The following PTPRK variants were observed in gnomAD, a reference collection of about 807,000 sequenced individuals.
The protein encoded by PTPRK is receptor-type tyrosine-protein phosphatase kappa.
A neutral mutation model predicts 178.0 loss-of-function variants in PTPRK; 75 were observed. That is an observed-to-expected ratio of 0.42 (90% CI 0.35 to 0.51). The LOEUF is 0.51. PTPRK is among the 20% of genes least tolerant of loss of function. The pLI, the probability that PTPRK is intolerant of heterozygous loss-of-function variation, is 0.02. For synonymous variants in PTPRK, 637 were observed against 620.6 expected (o/e 1.03, Z -0.39); for missense variants, 1,441 against 1,797.8 (o/e 0.80, Z 3.59).
intron 1 of PTPRK, among the ~76,000 whole-genome samples, chr6:128,434,785 C>G (rs1221992883): frequency 6.6e-6 from 1 of 151,820 alleles, no homozygotes; most frequent in East Asian, 1.9e-4. Context: ...TTTGAAAGGC[C>G]AAGGTGGGAG....
At chr6:128,075,283 C>T (rs535662108) in intron 11 of PTPRK, among the ~76,000 whole-genome samples, 12 of 152,126 alleles carry the variant, frequency 7.9e-5, no homozygotes, top group African/African-American at 9.6e-5. Context: ...TTTCTAAAAA[C>T]GTAAAACTGC....
At chr6:128,263,915 G>GAA (rs1422994293) in intron 3 of PTPRK, among the ~76,000 whole-genome samples, 6 of 152,158 alleles carry the variant, frequency 3.9e-5, no homozygotes, top group African/African-American at 1.4e-4. Flanking sequence ...ACCACCGTTG[G>GAA]AAAGGCCAGA....
chr6:128,141,811 G>A (rs1222503817), intron 7 of PTPRK, among the ~76,000 whole-genome samples: 1 of 151,868 alleles, frequency 6.6e-6, no homozygotes, highest in Non-Finnish European at 1.5e-5. Context: ...CCACTGGGAT[G>A]AATTTAGCAA....
intron 2 of PTPRK, among the ~76,000 whole-genome samples, chr6:128,353,768 T>A (rs1163985781): frequency 6.6e-6 from 1 of 152,122 alleles, no homozygotes. Flanking sequence ...ATCCTTCAGG[T>A]GACAAAAAAA....
At chr6:128,139,664 A>G (rs1227036322) in intron 7 of PTPRK, among the ~76,000 whole-genome samples, 1 of 151,998 alleles carries the variant, frequency 6.6e-6, no homozygotes, top group Non-Finnish European at 1.5e-5. Flanking sequence ...TGAATGTACA[A>G]ACATATCTAA....
chr6:128,219,457 A>G, intron 5 of PTPRK, among the ~76,000 whole-genome samples: 1 of 152,178 alleles, frequency 6.6e-6, no homozygotes, highest in Non-Finnish European at 1.5e-5. Flanking sequence ...TCCTATGAGA[A>G]TCTAATGCCA....
intron 7 of PTPRK, among the ~76,000 whole-genome samples, chr6:128,160,729 TAATA>T (rs1798588732): frequency 2.0e-5 from 3 of 151,554 alleles, no homozygotes; most frequent in African/African-American, 7.2e-5. Context: ...GCACTGCAAA[TAATA>T]AATAATATGT....
At chr6:128,161,569 T>C (rs1333938149) in intron 7 of PTPRK, among the ~76,000 whole-genome samples, 1 of 151,682 alleles carries the variant, frequency 6.6e-6, no homozygotes, top group Non-Finnish European at 1.5e-5. Context: ...CAATTGCTTC[T>C]ATTTCCCTCT....
chr6:128,192,621 A>G (rs751574011), intron 6 of PTPRK, among the ~76,000 whole-genome samples: 17 of 151,926 alleles, frequency 1.1e-4, no homozygotes, highest in Non-Finnish European at 2.2e-4. Context: ...GGAGTTTGAG[A>G]CCAGCCTGCG....
intron 7 of PTPRK, among the ~76,000 whole-genome samples, chr6:128,151,138 C>T (rs1797187187): frequency 6.6e-6 from 1 of 151,930 alleles, no homozygotes; most frequent in Non-Finnish European, 1.5e-5. Context: ...AGATCTGTTG[C>T]AAATTAAACC....
chr6:128,378,019 C>T (rs574711728), intron 2 of PTPRK, among the ~76,000 whole-genome samples: 6 of 152,084 alleles, frequency 3.9e-5, no homozygotes, highest in Non-Finnish European at 7.4e-5. Flanking sequence ...AATCTGTGAT[C>T]ATGGTTTGCT....
intron 6 of PTPRK, among the ~76,000 whole-genome samples, chr6:128,201,771 C>A (rs540447629): frequency 6.6e-6 from 1 of 152,042 alleles, no homozygotes; most frequent in Admixed American, 6.6e-5. Flanking sequence ...TAATAACTAT[C>A]ATGCTACTTG....
intron 6 of PTPRK, among the ~76,000 whole-genome samples, chr6:128,204,552 G>C (rs1481843921): frequency 1.3e-5 from 2 of 151,266 alleles, no homozygotes; most frequent in Non-Finnish European, 2.9e-5. Flanking sequence ...AGTTTATAAG[G>C]AACTTAAGCG....
At chr6:128,220,404 C>T (rs937458547) in intron 5 of PTPRK, among the ~76,000 whole-genome samples, 1 of 152,008 alleles carries the variant, frequency 6.6e-6, no homozygotes, top group African/African-American at 2.4e-5. Flanking sequence ...CAAAGAAAAC[C>T]CACAACGCTG....
chr6:128,320,523 T>C (rs1416782131), intron 3 of PTPRK, among the ~76,000 whole-genome samples: 1 of 152,176 alleles, frequency 6.6e-6, no homozygotes, highest in African/African-American at 2.4e-5. Flanking sequence ...CAGGGTTGAA[T>C]ACAGGCAATC....
intron 11 of PTPRK, 26 bp from the exon 12 acceptor site, chr6:128,067,818 C>A (rs1291170843): frequency 1.9e-6 from 3 of 1,551,492 alleles, no homozygotes; most frequent in Admixed American, 1.9e-5. Context: ...AAAAAGAACA[C>A]ACATATATAT....
At chr6:128,123,877 T>G (rs1308829535) in intron 7 of PTPRK, among the ~76,000 whole-genome samples, 1 of 152,110 alleles carries the variant, frequency 6.6e-6, no homozygotes, top group Non-Finnish European at 1.5e-5. Context: ...CTATGAGTTT[T>G]GGGGAGGGAA....
chr6:128,409,334 T>C (rs1222462348), intron 1 of PTPRK: 2 of 454,928 alleles, frequency 4.4e-6, no homozygotes, highest in African/African-American at 4.0e-5. Flanking sequence ...AGGCCTTTTC[T>C]GAAGATAAAA....
intron 2 of PTPRK, among the ~76,000 whole-genome samples, chr6:128,358,950 A>T (rs1215372841): frequency 6.6e-6 from 1 of 152,200 alleles, no homozygotes; most frequent in African/African-American, 2.4e-5. Flanking sequence ...AGAATGATAT[A>T]CATGGAGATA....
Sources: allele counts gnomAD v4.1 joint callset (sites outside exome capture counted in the v4.1 genomes callset), GRCh38; gene constraint gnomAD v4.1.1; transcripts MANE v1.5; gene names NCBI Gene and HGNC (gene_info 2026-07-23, HGNC 2026-07-21).